The following CYP20A1 variants were observed in gnomAD, a reference collection of about 807,000 sequenced individuals.
The protein encoded by CYP20A1 is cytochrome P450 20A1.
Under a neutral mutation model 61.4 loss-of-function variants are expected in CYP20A1, and 61 were observed. The ratio of observed to expected loss-of-function variants is 0.99; its 90% CI spans 0.81 to 1.23. CYP20A1 has a LOEUF of 1.23. Among genes scored for constraint, CYP20A1 ranks in the 50% most tolerant of loss-of-function variants. The probability of loss-of-function intolerance (pLI) is 0.00; values close to 1 mark genes in which losing one functional copy is unlikely to be tolerated. For missense variants in CYP20A1, 530 were observed against 542.4 expected (o/e 0.98, Z 0.23); for synonymous variants, 193 against 188.2 (o/e 1.03, Z -0.21).
At chr2:203,294,975 C>G (rs2068723230) in intron 11 of CYP20A1, among the ~76,000 whole-genome samples, 1 of 26,872 alleles carries the variant, frequency 3.7e-5, no homozygotes, top group Non-Finnish European at 6.2e-5. Context: ...TTTTTTGAGA[C>G]AGAGTCTCAC....
chr2:203,277,749 C>T (rs376666472), intron 6 of CYP20A1, among the ~76,000 whole-genome samples: 4 of 151,884 alleles, frequency 2.6e-5, no homozygotes, highest in East Asian at 2.0e-4. Context: ...CTCCTGACCT[C>T]GTGATTCACC....
chr2:203,239,275 G>A, intron 1 of CYP20A1, 141 bp downstream of exon 1: 1 of 707,330 alleles, frequency 1.4e-6, no homozygotes, highest in Non-Finnish European at 2.4e-6. Flanking sequence ...GCTTCAGCGC[G>A]GGGACCGCAC....
At chr2:203,251,545 G>A (rs572469871) in intron 3 of CYP20A1, among the ~76,000 whole-genome samples, 1 of 151,314 alleles carries the variant, frequency 6.6e-6, no homozygotes, top group Non-Finnish European at 1.5e-5. Flanking sequence ...TGAGGCAGGC[G>A]GATCACTTGG....
intron 1 of CYP20A1, among the ~76,000 whole-genome samples, chr2:203,242,310 T>C (rs1239723486): frequency 1.3e-5 from 2 of 151,990 alleles, no homozygotes; most frequent in Non-Finnish European, 2.9e-5. Flanking sequence ...GCGGTTTCAG[T>C]GTAATTGGGG....
At chr2:203,265,369 T>A (rs1355364135) in intron 4 of CYP20A1, among the ~76,000 whole-genome samples, 1 of 152,204 alleles carries the variant, frequency 6.6e-6, no homozygotes, top group Non-Finnish European at 1.5e-5. Flanking sequence ...TAGGCATTCT[T>A]GGCTTATTAT....
At position 203,301,957 on chromosome 2, in the gene CYP20A1, T is replaced by C. The variant is rs543841423; in HGVS notation, c.*5049T>C. Among the ~76,000 whole-genome samples, 96 of 135,936 alleles carry C rather than the reference T, an allele frequency of 7.1e-4. 1 individual carries two copies. The highest frequency in any genetic ancestry group is 2.4e-3 in the African/African-American group (88 of 36,992). 89.2% of individuals were successfully genotyped at this position (135,936 alleles called of 152,430 possible). A position where few individuals can be genotyped will look rare whatever the true frequency, so the allele number is the denominator to read the frequency against. ...TTTTTGTTTTGAGACTGAGTCCCGC[T>C]GTCTATTGCCCAGGCTGGAGTGCCA... On this transcript the variant is annotated 3_prime_UTR_variant, in exon 13 of 13. Transcript: ENST00000356079.
In CYP20A1 at chr2:203,298,533, CAA is replaced by C. The variant is rs76767556; in HGVS notation, c.*1642_*1643del. On this transcript the variant is annotated 3_prime_UTR_variant, in exon 13 of 13. Transcript: ENST00000356079. ...TGAAACCCCGTCTCTACTAAAAATA[CAA>C]AAAAAAAAAAAAAAAATTAGCCAGA... Among the ~76,000 whole-genome samples the C allele has an allele frequency of 7.2e-5, 9 of 124,494 alleles. No homozygotes were observed. Among genetic ancestry groups the C allele is most frequent in the Non-Finnish European group, 1.1e-4 (7 of 61,408 alleles). The allele number at this position is 124,494 out of a possible 152,430, so 81.7% of individuals were successfully genotyped here.
At chr2:203,246,026 A>G (rs543348650) in intron 2 of CYP20A1, 131 bp downstream of exon 2, 328 of 600,880 alleles carry the variant, frequency 5.5e-4, no homozygotes, top group Non-Finnish European at 8.1e-4. Flanking sequence ...AGATCGCTTG[A>G]GGCCAGGAGT....
At chr2:203,267,488 C>T (rs535909099) in intron 5 of CYP20A1, among the ~76,000 whole-genome samples, 77 of 148,900 alleles carry the variant, frequency 5.2e-4, no homozygotes, top group African/African-American at 1.8e-3. Context: ...GAGCCAAGAC[C>T]GCACCACTGC....
intron 3 of CYP20A1, among the ~76,000 whole-genome samples, chr2:203,250,377 T>C (rs548996066): frequency 2.0e-5 from 3 of 152,334 alleles, no homozygotes; most frequent in East Asian, 3.9e-4. Flanking sequence ...GTTATCCCTT[T>C]TTTGTGGAAG....
At chr2:203,242,943 C>G (rs1004510611) in intron 1 of CYP20A1, among the ~76,000 whole-genome samples, 1 of 152,144 alleles carries the variant, frequency 6.6e-6, no homozygotes, top group Non-Finnish European at 1.5e-5. Context: ...CGCCCCTGAA[C>G]CCACACAGCT....
chr2:203,240,583 A>G (rs1462232240), intron 1 of CYP20A1, among the ~76,000 whole-genome samples: 2 of 152,200 alleles, frequency 1.3e-5, no homozygotes, highest in African/African-American at 2.4e-5. Flanking sequence ...TGGCCAGGAG[A>G]TACGGAGACA....
intron 12 of CYP20A1, 31 bp downstream of exon 12, chr2:203,296,594 A>C (rs2068807206): frequency 6.5e-7 from 1 of 1,541,350 alleles, no homozygotes; most frequent in African/African-American, 1.4e-5. Flanking sequence ...CTCTGTTCTT[A>C]GAATTTTGAT....
In CYP20A1 at chr2:203,302,005, A is replaced by G. The variant is rs995812652; in HGVS notation, c.*5097A>G. ...CCATGGCACCATCTCGGCTCACTGC[A>G]ACCTCTGCTTCCCAGGTTCAAGTGA... On this transcript the variant is annotated 3_prime_UTR_variant, in exon 13 of 13. Transcript: ENST00000356079. 7.6e-5 allele frequency among the ~76,000 whole-genome samples: 11 copies of G among 143,910 alleles called. No homozygotes were observed. Among genetic ancestry groups the G allele is most frequent in the Non-Finnish European group, 1.5e-4 (10 of 67,054 alleles). The allele number at this position is 143,910 out of a possible 152,430, so 94.4% of individuals were successfully genotyped here.
intron 11 of CYP20A1, among the ~76,000 whole-genome samples, chr2:203,295,139 A>G (rs997123825): frequency 1.3e-5 from 2 of 148,544 alleles, no homozygotes; most frequent in African/African-American, 5.0e-5. Flanking sequence ...TTGTATTTTT[A>G]GTAGAGATGG....
chr2:203,257,146 C>G (rs1425880106), intron 4 of CYP20A1, among the ~76,000 whole-genome samples: 2 of 150,612 alleles, frequency 1.3e-5, no homozygotes, highest in East Asian at 1.9e-4. Flanking sequence ...GACCCTGTCT[C>G]TACAAAAAAA....
chr2:203,241,118 G>T (rs138860230), intron 1 of CYP20A1, among the ~76,000 whole-genome samples: 6 of 152,278 alleles, frequency 3.9e-5, no homozygotes, highest in African/African-American at 1.2e-4. Flanking sequence ...TGAAAGAGAG[G>T]CATCAAGGAA....
chr2:203,297,150 G>GT lies in CYP20A1; in HGVS notation c.*248dup, dbSNP rs1172180361. 7.7e-6 allele frequency: 2 copies of GT among 258,754 alleles called. No individual in the cohort carries two copies. The highest frequency in any genetic ancestry group is 4.5e-5 in the African/African-American group (2 of 44,696). 16.0% of individuals were successfully genotyped at this position (258,754 alleles called of 1,614,324 possible). A position where few individuals can be genotyped will look rare whatever the true frequency, so the allele number is the denominator to read the frequency against. On this transcript the variant is annotated 3_prime_UTR_variant, in exon 13 of 13. Coordinates refer to ENST00000356079, the MANE Select transcript of CYP20A1 (RefSeq NM_177538.3). ...CTTTAGCTTTCTACTTTTTATTTTT[G>GT]TTTTTTCACTTTCTATGCCATTATT...
chr2:203,242,255 G>A (rs1323597519), intron 1 of CYP20A1, among the ~76,000 whole-genome samples: 1 of 152,108 alleles, frequency 6.6e-6, no homozygotes, highest in Non-Finnish European at 1.5e-5. Context: ...CAAAGATCTG[G>A]GATTACAGGC....
Sources: allele counts gnomAD v4.1 joint callset (sites outside exome capture counted in the v4.1 genomes callset), GRCh38; gene constraint gnomAD v4.1.1; transcripts MANE v1.5; gene names NCBI Gene and HGNC (gene_info 2026-07-23, HGNC 2026-07-21).